BCL6: variants seen among roughly 807,000 people sequenced by gnomAD.
BCL6 encodes the protein BCL6 transcription repressor.
In BCL6, 7 loss-of-function variants were observed where a neutral mutation model predicts 59.5. That is an observed-to-expected ratio of 0.12 (90% confidence interval 0.07 to 0.22). The LOEUF is 0.22. Ranked by LOEUF, BCL6 falls within the 10% of genes least tolerant of loss-of-function variation. The pLI, the probability that BCL6 is intolerant of heterozygous loss-of-function variation, is 1.00. For synonymous variants in BCL6, 339 were observed against 349.7 expected, an observed-to-expected ratio of 0.97 and a Z score of 0.34; for missense variants, 685 against 939.4, an observed-to-expected ratio of 0.73 and a Z score of 3.54.
At chr3:187,736,225 T>G (rs1719275300) in intron 1 of BCL6, 1 of 152,162 alleles carries the variant, frequency 6.6e-6, no homozygotes, top group African/African-American at 2.4e-5. Flanking sequence ...GAGTGGGGAC[T>G]GGAGGGAAGG....
intron 1 of BCL6, among the ~76,000 whole-genome samples, chr3:187,744,407 T>A (rs567337228): frequency 1.4e-5 from 2 of 147,054 alleles, no homozygotes; most frequent in African/African-American, 2.5e-5. Flanking sequence ...CCCGACTCCC[T>A]CGACTACAAC....
chr3:187,740,226 C>A (rs1054143462), intron 1 of BCL6, among the ~76,000 whole-genome samples: 4 of 152,094 alleles, frequency 2.6e-5, no homozygotes, highest in African/African-American at 9.7e-5. Flanking sequence ...TGACCCCCAC[C>A]CCCTCACACA....
At chr3:187,744,511 AGGAAGATCAC>A in intron 1 of BCL6, among the ~76,000 whole-genome samples, 1 of 151,922 alleles carries the variant, frequency 6.6e-6, no homozygotes, top group East Asian at 2.0e-4. Flanking sequence ...GGCTCTCATT[AGGAAGATCAC>A]GGCTCTGAAA....
chr3:187,725,921 T>C lies in BCL6; in HGVS notation c.1709-292A>G, dbSNP rs1369235006. Among the ~76,000 whole-genome samples, 1 of 152,194 alleles carries C rather than the reference T, an allele frequency of 6.6e-6. No homozygotes were observed. The highest frequency in any genetic ancestry group is 2.4e-5 in the African/African-American group (1 of 41,460). On this transcript the variant is annotated intron_variant, in intron 7 of 9. Coordinates refer to ENST00000406870, the MANE Select transcript of BCL6 (RefSeq NM_001706.5). This position sits in a 1 kb window ranked among gnomAD's most constrained non-coding sequence, Gnocchi z 4.7. ...GGAGAGGGGGAGATTCCAGGAAGCC[T>C]GGGCTTTAGAACCAGCTTTGTCATT...
intron 1 of BCL6, among the ~76,000 whole-genome samples, chr3:187,744,404 C>T (rs1711776008): frequency 6.6e-6 from 1 of 151,706 alleles, no homozygotes; most frequent in South Asian, 2.1e-4. Flanking sequence ...GTTCCCGACT[C>T]CCTCGACTAC....
chr3:187,744,418 C>A (rs536722051), intron 1 of BCL6, among the ~76,000 whole-genome samples: 1 of 152,024 alleles, frequency 6.6e-6, no homozygotes, highest in Non-Finnish European at 1.5e-5. Flanking sequence ...CGACTACAAC[C>A]AAGAAAGAAT....
rs745468353 is a variant in BCL6, at chr3:187,728,511, C to T, written c.1389G>A (p.Glu463=). 2 of 1,609,920 alleles carry T rather than the reference C, an allele frequency of 1.2e-6. No homozygotes were observed. Among genetic ancestry groups the T allele is most frequent in the East Asian group, 4.5e-5 (2 of 44,724 alleles). Residue 463 remains glutamate (E), a synonymous_variant, in exon 6 of 10, where the codon GAG becomes GAA. Coordinates refer to ENST00000406870, the MANE Select transcript of BCL6 (RefSeq NM_001706.5). ...GGTGCATGTAGAGTGGTGAGTGGCT[C>T]TCGCTGCTGCTGCGGGGAGAGCCCG... ...SMTGSPRSSS[E]SHSPLYMHPP... is the part of the protein sequence containing the mutation.
intron 9 of BCL6, among the ~76,000 whole-genome samples, chr3:187,724,161 C>T (rs73886536): frequency 0.06 from 9,107 of 152,246 alleles, 334 homozygotes; most frequent in African/African-American, 0.1. Context: ...AGAAGAATGT[C>T]ATCAACTCCT....
chr3:187,724,512 G>T, intron 9 of BCL6: 1 of 154,638 alleles, frequency 6.5e-6, no homozygotes, highest in Admixed American at 6.4e-5. Context: ...CATTCTTTTT[G>T]TTCTCCTCCT....
At chr3:187,738,678 A>C (rs2108477526) in intron 1 of BCL6, among the ~76,000 whole-genome samples, 1 of 152,282 alleles carries the variant, frequency 6.6e-6, no homozygotes, top group East Asian at 1.9e-4. Context: ...GGGGACAGCG[A>C]AAGACTCAGC....
intron 1 of BCL6, among the ~76,000 whole-genome samples, chr3:187,741,726 A>C (rs1436428851): frequency 6.6e-6 from 1 of 152,200 alleles, no homozygotes; most frequent in African/African-American, 2.4e-5. Context: ...AGGGCTACAG[A>C]CCAGCCTACC....
chr3:187,734,046 G>GA (rs1719173380), intron 2 of BCL6, among the ~76,000 whole-genome samples: 8 of 152,000 alleles, frequency 5.3e-5, no homozygotes, highest in African/African-American at 1.9e-4. Context: ...TTTTGTTTTT[G>GA]TTTTTGTTTT....
intron 1 of BCL6, among the ~76,000 whole-genome samples, chr3:187,744,209 C>G (rs569111599): frequency 2.6e-5 from 4 of 152,320 alleles, no homozygotes; most frequent in South Asian, 4.1e-4. Flanking sequence ...AATACAAACA[C>G]CGCAGCGGCC....
At chr3:187,745,305 G>C (rs1711898348) in intron 1 of BCL6, 105 bp downstream of exon 1, 2 of 399,264 alleles carry the variant, frequency 5.0e-6, no homozygotes, top group African/African-American at 2.1e-5. Flanking sequence ...AGAATTAAAA[G>C]GTAAAATAAT....
intron 1 of BCL6, chr3:187,737,419 G>A (rs1719343534): frequency 6.6e-6 from 1 of 150,726 alleles, no homozygotes; most frequent in African/African-American, 2.5e-5. Context: ...AGGGAGAGGC[G>A]AGGTTAAGAG....
chr3:187,742,625 G>A (rs1156439196), intron 1 of BCL6, among the ~76,000 whole-genome samples: 1 of 147,714 alleles, frequency 6.8e-6, no homozygotes. Flanking sequence ...TAGGATACTG[G>A]AAACTTCTAT....
At chr3:187,744,758 A>C (rs1452577323) in intron 1 of BCL6, among the ~76,000 whole-genome samples, 1 of 152,214 alleles carries the variant, frequency 6.6e-6, no homozygotes, top group South Asian at 2.1e-4. Context: ...GAAGGGAAGG[A>C]AGAAGAGGCG....
At chr3:187,745,017 T>C (rs551325854) in intron 1 of BCL6, among the ~76,000 whole-genome samples, 1 of 149,548 alleles carries the variant, frequency 6.7e-6, no homozygotes, top group South Asian at 2.1e-4. Context: ...GGCCGCCCCC[T>C]AATTCCCCTC....
In BCL6 at chr3:187,725,706, C is replaced by G. The variant is rs1718656350; in HGVS notation, c.1709-77G>C. 6.4e-7 allele frequency: 1 copy of G among 1,565,508 alleles called. No individual in the cohort carries two copies. The highest frequency in any genetic ancestry group is 8.7e-7 in the Non-Finnish European group (1 of 1,146,482). On this transcript the variant is annotated intron_variant, in intron 7 of 9. Coordinates refer to ENST00000406870, the MANE Select transcript of BCL6 (RefSeq NM_001706.5). This position sits in a 1 kb window ranked among gnomAD's most constrained non-coding sequence, Gnocchi z 4.7. ...TCTGCAGTCCGTGGCTCCTGGATTT[C>G]TAAGCAGCCTGCTCCTCCCTGAGGC... is the stretch of plus-strand genomic sequence containing the variant.
Sources: allele counts gnomAD v4.1 joint callset (sites outside exome capture counted in the v4.1 genomes callset), GRCh38; gene constraint gnomAD v4.1.1; non-coding constraint Gnocchi (gnomAD v3.1); transcripts MANE v1.5; gene names NCBI Gene and HGNC (gene_info 2026-07-23, HGNC 2026-07-21).